CSMD1: variants seen among roughly 807,000 people sequenced by gnomAD.
The protein encoded by CSMD1 is CUB and Sushi multiple domains 1.
A neutral mutation model predicts 417.5 loss-of-function variants in CSMD1; 213 were observed. That is an observed-to-expected ratio of 0.51 (90% CI 0.46 to 0.57). CSMD1 has a LOEUF of 0.57. Among genes scored for constraint, CSMD1 ranks in the 20% least tolerant of loss-of-function variants. The pLI is 0.00. For synonymous variants in CSMD1, 2,862 were observed against 1,736.8 expected, an observed-to-expected ratio of 1.65 and a Z score of -16.11; for missense variants, 6,923 against 4,529.7, an observed-to-expected ratio of 1.53 and a Z score of -15.17.
At chr8:3,738,361 G>T (rs1005201627) in intron 6 of CSMD1, among the ~76,000 whole-genome samples, 1 of 152,162 alleles carries the variant, frequency 6.6e-6, no homozygotes. Flanking sequence ...TTGGGGCCTG[G>T]CAAAAATAAC....
At chr8:3,109,671 AC>A (rs1306188936) in intron 43 of CSMD1, among the ~76,000 whole-genome samples, 27 of 152,124 alleles carry the variant, frequency 1.8e-4, no homozygotes, top group Non-Finnish European at 1.5e-5. Context: ...GTCCTGCCTT[AC>A]TTGCCCTGGC....
At chr8:4,080,675 T>C (rs1198908415) in intron 3 of CSMD1, among the ~76,000 whole-genome samples, 1 of 152,204 alleles carries the variant, frequency 6.6e-6, no homozygotes, top group Non-Finnish European at 1.5e-5. Flanking sequence ...ACAGAATCAC[T>C]GAAAATGGGT....
intron 49 of CSMD1, among the ~76,000 whole-genome samples, chr8:3,058,147 T>C (rs1470726860): frequency 6.6e-6 from 1 of 152,210 alleles, no homozygotes; most frequent in Non-Finnish European, 1.5e-5. Context: ...ATCTGATTGG[T>C]AGTGCTATTG....
intron 2 of CSMD1, among the ~76,000 whole-genome samples, chr8:4,434,064 A>G (rs1046795338): frequency 3.3e-5 from 5 of 152,190 alleles, no homozygotes; most frequent in Non-Finnish European, 7.3e-5. Context: ...GGGGCTGGAC[A>G]TTGGGACTCA....
intron 3 of CSMD1, among the ~76,000 whole-genome samples, chr8:4,252,163 T>C (rs934355307): frequency 3.3e-5 from 5 of 152,222 alleles, no homozygotes; most frequent in Non-Finnish European, 7.4e-5. Context: ...TCAGGATATA[T>C]AGAAAGCTGG....
chr8:4,788,104 A>T lies in CSMD1; in HGVS notation c.86-150546T>A, dbSNP rs1585098685. On this transcript the variant is annotated intron_variant, in intron 1 of 69. Transcript: ENST00000635120. ...GAGTTGCTTTTGAAATCAGAAAGTC[A>T]GTGCAGGGTTGTAGTGTTGATGGGC... The T allele has an allele frequency of 5.6e-6, 9 of 1,603,588 alleles. No homozygotes were observed. In the Admixed American group the frequency reaches 1.3e-4, roughly 24 times the overall value.
intron 3 of CSMD1, among the ~76,000 whole-genome samples, chr8:4,054,945 G>A (rs1238822135): frequency 3.3e-5 from 5 of 152,130 alleles, no homozygotes; most frequent in African/African-American, 1.2e-4. Flanking sequence ...AAAGTACAAA[G>A]AGACATCAAA....
rs1298701443 is a variant in CSMD1 at position 3,414,667 on chromosome 8, T to C, written c.1562-5062A>G. Among the ~76,000 whole-genome samples, 5 of 152,330 alleles carry C rather than the reference T, an allele frequency of 3.3e-5. No homozygotes were observed. In the East Asian group the frequency reaches 9.6e-4, roughly 29 times the overall value. On this transcript the variant is annotated intron_variant, in intron 12 of 69. Coordinates refer to ENST00000635120, the MANE Select transcript of CSMD1 (RefSeq NM_033225.6). ...GATCCTATCCAGGACTCAGGAACCA[T>C]GTGTGATGTGAACATCGCTGTTTTC...
intron 2 of CSMD1, among the ~76,000 whole-genome samples, chr8:4,433,123 G>T (rs1285078557): frequency 6.6e-6 from 1 of 152,198 alleles, no homozygotes; most frequent in Non-Finnish European, 1.5e-5. Context: ...AGATGGGACT[G>T]ACCAGTTGCA....
chr8:4,034,599 A>T (rs532335987), intron 3 of CSMD1, among the ~76,000 whole-genome samples: 1 of 152,178 alleles, frequency 6.6e-6, no homozygotes, highest in Non-Finnish European at 1.5e-5. Context: ...TGCCTTGTCC[A>T]TCAGCTGAGC....
chr8:4,043,772 C>T (rs115318392), intron 3 of CSMD1, among the ~76,000 whole-genome samples: 3 of 152,062 alleles, frequency 2.0e-5, no homozygotes, highest in Non-Finnish European at 4.4e-5. Context: ...CTTTCAAATG[C>T]TGGAACGCTT....
Position 4,415,112 on chromosome 8 carries a change from A to T in CSMD1, c.415+4841T>A, listed in dbSNP as rs1476250380. On this transcript the variant is annotated intron_variant, in intron 3 of 69. Coordinates refer to ENST00000635120, the MANE Select transcript of CSMD1 (RefSeq NM_033225.6). ...ACGGAGTAAGTTTTCTATTGCAAGGATGAAATAACGTAAACTCAATTTTCT... is the reference window on the plus strand; with the variant it reads ...ACGGAGTAAGTTTTCTATTGCAAGGTTGAAATAACGTAAACTCAATTTTCT... 2.0e-5 allele frequency among the ~76,000 whole-genome samples: 3 copies of T among 152,128 alleles called. No individual in the cohort carries two copies. The East Asian group carries it at 5.8e-4, about 29-fold the overall frequency.
intron 3 of CSMD1, among the ~76,000 whole-genome samples, chr8:4,221,979 C>T (rs1801058213): frequency 6.6e-6 from 1 of 152,110 alleles, no homozygotes; most frequent in African/African-American, 2.4e-5. Context: ...ATGGAGGAAG[C>T]TGTCCACCCA....
chr8:4,642,439 G>A (rs558984301), intron 1 of CSMD1, among the ~76,000 whole-genome samples: 2 of 152,288 alleles, frequency 1.3e-5, no homozygotes, highest in South Asian at 4.1e-4. Flanking sequence ...AATTCGTGCT[G>A]CTGTATAGCA....
chr8:4,364,591 G>A lies in CSMD1; in HGVS notation c.415+55362C>T, dbSNP rs1254081445. Reference sequence around the variant, plus strand: ...TGTAATCCCAGCACTTTGGGAGGCCGAGGCGGGCGGATCACGAGGTCAGGA... The same window carrying A: ...TGTAATCCCAGCACTTTGGGAGGCCAAGGCGGGCGGATCACGAGGTCAGGA... On this transcript the variant is annotated intron_variant, in intron 3 of 69. Coordinates refer to ENST00000635120, the MANE Select transcript of CSMD1 (RefSeq NM_033225.6). Among the ~76,000 whole-genome samples the A allele has an allele frequency of 3.5e-4, 6 of 17,232 alleles. 2 individuals carry two copies. Among genetic ancestry groups the A allele is most frequent in the Non-Finnish European group, 5.7e-4 (6 of 10,616 alleles). The allele number at this position is 17,232 out of a possible 152,430, so 11.3% of individuals were successfully genotyped here. A position where few individuals can be genotyped will look rare whatever the true frequency, so the allele number is the denominator to read the frequency against.
chr8:3,738,001 A>G (rs1011050308), intron 6 of CSMD1, among the ~76,000 whole-genome samples: 1 of 152,206 alleles, frequency 6.6e-6, no homozygotes, highest in African/African-American at 2.4e-5. Context: ...TGCAGTGACA[A>G]ACTAATGAAG....
At chr8:4,201,415 G>C (rs1466942719) in intron 3 of CSMD1, among the ~76,000 whole-genome samples, 1 of 151,868 alleles carries the variant, frequency 6.6e-6, no homozygotes, top group Admixed American at 6.5e-5. Context: ...CTGGGCGCCT[G>C]TAGTCCCAGC....
chr8:2,984,579 C>A (rs1805705053), intron 54 of CSMD1, among the ~76,000 whole-genome samples: 1 of 152,190 alleles, frequency 6.6e-6, no homozygotes, highest in African/African-American at 2.4e-5. Flanking sequence ...GAACTCCTGA[C>A]CTCGTGATCC....
chr8:4,226,733 A>G (rs1315048577), intron 3 of CSMD1, among the ~76,000 whole-genome samples: 1 of 152,210 alleles, frequency 6.6e-6, no homozygotes, highest in Non-Finnish European at 1.5e-5. Context: ...AGTTTTTAAT[A>G]ATCAGTTAAC....
Sources: gnomAD v4.1 joint callset for allele counts (sites outside exome capture counted in the v4.1 genomes callset) on GRCh38, gnomAD v4.1.1 for gene constraint, MANE v1.5 for transcripts, NCBI Gene and HGNC (gene_info 2026-07-23, HGNC 2026-07-21) for gene names.